The following CAMK1D variants were observed in gnomAD, a reference collection of about 807,000 sequenced individuals.
CAMK1D encodes calcium/calmodulin dependent protein kinase ID.
Under a neutral mutation model 47.7 loss-of-function variants are expected in CAMK1D, and 9 were observed. The ratio of observed to expected loss-of-function variants is 0.19; its 90% CI spans 0.11 to 0.33. The LOEUF (loss-of-function observed/expected upper bound fraction) is 0.33, where lower values mean the gene tolerates loss of function less well. Ranked by LOEUF, CAMK1D falls within the 10% of genes least tolerant of loss-of-function variation. The probability of loss-of-function intolerance (pLI) is 1.00; values close to 1 mark genes in which losing one functional copy is unlikely to be tolerated. For missense variants in CAMK1D, 291 were observed against 488.7 expected (o/e 0.60, Z 3.81); for synonymous variants, 184 against 184.9 (o/e 0.99, Z 0.04).
intron 1 of CAMK1D, among the ~76,000 whole-genome samples, chr10:12,502,026 G>T (rs1027033913): frequency 1.3e-5 from 2 of 152,180 alleles, no homozygotes; most frequent in Non-Finnish European, 2.9e-5. Flanking sequence ...TGAGGCAGCT[G>T]CAGGGAGGGC....
intron 1 of CAMK1D, among the ~76,000 whole-genome samples, chr10:12,430,262 C>A (rs1228269514): frequency 6.6e-6 from 1 of 152,140 alleles, no homozygotes; most frequent in Non-Finnish European, 1.5e-5. Flanking sequence ...GATTGCTCAG[C>A]AAAGCGCTGT....
rs889446323 is a variant in CAMK1D at position 12,488,187 on chromosome 10, AT to A, written c.93-65029del. 4.0e-5 allele frequency among the ~76,000 whole-genome samples: 6 copies of A among 151,702 alleles called. No individual in the cohort carries two copies. The East Asian group carries it at 7.7e-4, about 20-fold the overall frequency. On this transcript the variant is annotated intron_variant, in intron 1 of 10. Transcript: ENST00000619168. ...AGTGTTGACTGTTGAATGGGTGCAG[AT>A]TTTTTTTTCTGAGGATGGAGGCCTT...
intron 3 of CAMK1D, among the ~76,000 whole-genome samples, chr10:12,751,103 T>C (rs1030075781): frequency 9.5e-6 from 1 of 105,318 alleles, no homozygotes; most frequent in Non-Finnish European, 1.9e-5. Flanking sequence ...TAAGATAAGA[T>C]AAGATAAGAT....
intron 1 of CAMK1D, among the ~76,000 whole-genome samples, chr10:12,358,158 G>A (rs1272177595): frequency 6.6e-6 from 1 of 152,116 alleles, no homozygotes; most frequent in African/African-American, 2.4e-5. Context: ...CTGGGAGGTT[G>A]AGGCTGCAGT....
At chr10:12,694,241 T>TATTATATATTATACATAATATAA (rs1554811674) in intron 3 of CAMK1D, among the ~76,000 whole-genome samples, 684 of 17,200 alleles carry the variant, frequency 0.04, 199 homozygotes, top group Middle Eastern at 0.17. Flanking sequence ...GTATAATATA[T>TATTATATATTATACATAATATAA]AATATATATT....
intron 2 of CAMK1D, among the ~76,000 whole-genome samples, chr10:12,619,147 T>G (rs1160745492): frequency 6.6e-6 from 1 of 152,244 alleles, no homozygotes; most frequent in Non-Finnish European, 1.5e-5. Flanking sequence ...GAGTGCTGTC[T>G]GCTAAGTAGT....
chr10:12,403,008 A>G (rs1839282652), intron 1 of CAMK1D, among the ~76,000 whole-genome samples: 1 of 151,340 alleles, frequency 6.6e-6, no homozygotes, highest in Non-Finnish European at 1.5e-5. Context: ...ACCTGCAAGC[A>G]GGCTTTTTTT....
intron 1 of CAMK1D, among the ~76,000 whole-genome samples, chr10:12,455,683 G>A (rs1485319418): frequency 1.3e-5 from 2 of 152,150 alleles, no homozygotes; most frequent in South Asian, 4.1e-4. Context: ...TTTCCAGTTT[G>A]GGACAATATG....
intron 1 of CAMK1D, among the ~76,000 whole-genome samples, chr10:12,419,225 A>T (rs1296395385): frequency 6.6e-6 from 1 of 151,852 alleles, no homozygotes; most frequent in Non-Finnish European, 1.5e-5. Context: ...TCTCATGAAT[A>T]CTCACCCCTA....
At chr10:12,689,538 A>G (rs1050746162) in intron 3 of CAMK1D, among the ~76,000 whole-genome samples, 3 of 152,140 alleles carry the variant, frequency 2.0e-5, no homozygotes, top group Admixed American at 1.3e-4. Flanking sequence ...GCACTTTGGG[A>G]GGCCGAGGCG....
Position 12,751,043 on chromosome 10 carries a change from T to G in CAMK1D, c.300-9905T>G, listed in dbSNP as rs79076260. Among the ~76,000 whole-genome samples, 31 of 147,376 alleles carry G rather than the reference T, an allele frequency of 2.1e-4. 1 individual carries two copies. In the South Asian group the frequency reaches 6.8e-3, roughly 32 times the overall value. On this transcript the variant is annotated intron_variant, in intron 3 of 10. Transcript: ENST00000619168. ...ATTCCAGCCTGGGTGACGGAGCCCGTCTCCCCCAATAAGATAAGATAAGAT... is the reference window on the plus strand; with the variant it reads ...ATTCCAGCCTGGGTGACGGAGCCCGGCTCCCCCAATAAGATAAGATAAGAT...
intron 1 of CAMK1D, 75 bp downstream of exon 1, chr10:12,349,985 C>T: frequency 1.4e-6 from 1 of 701,614 alleles, no homozygotes; most frequent in Non-Finnish European, 2.2e-6. Context: ...GCTGCCGCCG[C>T]CGCCACTACC....
chr10:12,405,007 T>A (rs1200812521), intron 1 of CAMK1D, among the ~76,000 whole-genome samples: 1 of 152,144 alleles, frequency 6.6e-6, no homozygotes, highest in Non-Finnish European at 1.5e-5. Context: ...TTTTGAGCAT[T>A]AAGTAATTTC....
intron 5 of CAMK1D, among the ~76,000 whole-genome samples, chr10:12,788,060 A>G (rs1564562428): frequency 6.6e-6 from 1 of 152,260 alleles, no homozygotes. Flanking sequence ...TTCTTGTTCA[A>G]ATTCTTGACA....
intron 1 of CAMK1D, among the ~76,000 whole-genome samples, chr10:12,491,262 T>G (rs1159784695): frequency 6.6e-6 from 1 of 152,146 alleles, no homozygotes; most frequent in Admixed American, 6.6e-5. Flanking sequence ...TTCTGCTGTG[T>G]AACTGATGGT....
chr10:12,566,198 T>C lies in CAMK1D; in HGVS notation c.224+12842T>C, dbSNP rs576079632. ...CTCTCCAAATGTTTGCTGTGTACATTATTATTATGTGTAAGGGACATCTTG... is the reference window on the plus strand; with the variant it reads ...CTCTCCAAATGTTTGCTGTGTACATCATTATTATGTGTAAGGGACATCTTG... On this transcript the variant is annotated intron_variant, in intron 2 of 10. Transcript: ENST00000619168. Among the ~76,000 whole-genome samples the C allele has an allele frequency of 6.6e-5, 10 of 152,274 alleles. No individual in the cohort carries two copies. In the South Asian group the frequency reaches 2.1e-3, roughly 32 times the overall value.
chr10:12,371,372 C>G (rs558279142), intron 1 of CAMK1D, among the ~76,000 whole-genome samples: 24 of 151,552 alleles, frequency 1.6e-4, no homozygotes, highest in African/African-American at 5.1e-4. Context: ...GTCAGGAGAT[C>G]GAGACCATCC....
intron 1 of CAMK1D, among the ~76,000 whole-genome samples, chr10:12,534,176 ATCTATCTATCTG>A (rs1835895551): frequency 6.6e-6 from 1 of 152,142 alleles, no homozygotes; most frequent in East Asian, 1.9e-4. Flanking sequence ...CTGTCTATCT[ATCTATCTATCTG>A]TCTATCTATC....
chr10:12,531,515 T>C (rs552016022), intron 1 of CAMK1D, among the ~76,000 whole-genome samples: 1 of 152,280 alleles, frequency 6.6e-6, no homozygotes, highest in Admixed American at 6.5e-5. Context: ...TTACTGATGA[T>C]AAACATAATG....
Sources: gnomAD v4.1 joint callset for allele counts (sites outside exome capture counted in the v4.1 genomes callset) on GRCh38, gnomAD v4.1.1 for gene constraint, MANE v1.5 for transcripts, NCBI Gene and HGNC (gene_info 2026-07-23, HGNC 2026-07-21) for gene names.